The following RHOBTB3 variants were observed in gnomAD, a reference collection of about 807,000 sequenced individuals.
RHOBTB3 encodes rho-related BTB domain-containing protein 3.
Under a neutral mutation model 67.2 loss-of-function variants are expected in RHOBTB3, and 47 were observed. That is an observed-to-expected ratio of 0.70 (90% CI 0.55 to 0.89). The LOEUF is 0.89. RHOBTB3 is among the 40% of genes least tolerant of loss of function. The probability of loss-of-function intolerance (pLI) is 0.00; values close to 1 mark genes in which losing one functional copy is unlikely to be tolerated. For synonymous variants in RHOBTB3, 273 were observed against 274.2 expected (o/e 1.00, Z 0.04); for missense variants, 631 against 750.0 (o/e 0.84, Z 1.85).
chr5:95,773,874 C>A (rs1405100283), intron 8 of RHOBTB3, among the ~76,000 whole-genome samples: 1 of 152,166 alleles, frequency 6.6e-6, no homozygotes, highest in Non-Finnish European at 1.5e-5. Context: ...TCTGATGTAC[C>A]TTTGGAATTC....
intron 6 of RHOBTB3, among the ~76,000 whole-genome samples, chr5:95,762,898 C>G (rs1429679813): frequency 2.0e-5 from 3 of 152,062 alleles, no homozygotes; most frequent in African/African-American, 7.2e-5. Context: ...GTGAAATGAG[C>G]CTAGGAAGAG....
chr5:95,745,607 T>C (rs891692280), intron 3 of RHOBTB3, among the ~76,000 whole-genome samples: 2 of 152,092 alleles, frequency 1.3e-5, no homozygotes, highest in Non-Finnish European at 2.9e-5. Flanking sequence ...TTTTCAAAGA[T>C]GTTATCCATT....
rs911689424 is a variant in RHOBTB3, at chr5:95,796,150, C to A, written c.*2976C>A. Reference sequence around the variant, plus strand: ...CCAAGACAGCTAAACTTTTCAACTGCAATTTTAAAAACTACACTACACTGT... The same window carrying A: ...CCAAGACAGCTAAACTTTTCAACTGAAATTTTAAAAACTACACTACACTGT... On this transcript the variant is annotated 3_prime_UTR_variant, in exon 12 of 12. Coordinates refer to ENST00000379982, the MANE Select transcript of RHOBTB3 (RefSeq NM_014899.4). 2.6e-5 allele frequency: 4 copies of A among 152,176 alleles called. No homozygotes were observed. The highest frequency in any genetic ancestry group is 5.9e-5 in the Non-Finnish European group (4 of 68,038). 9.4% of individuals were successfully genotyped at this position (152,176 alleles called of 1,614,324 possible).
intron 7 of RHOBTB3, among the ~76,000 whole-genome samples, chr5:95,765,923 A>G (rs538744497): frequency 6.6e-6 from 1 of 152,176 alleles, no homozygotes; most frequent in East Asian, 1.9e-4. Context: ...CGGCCTCCCA[A>G]AGTGCTGGGA....
upstream of RHOBTB3, among the ~76,000 whole-genome samples, chr5:95,726,372 G>A (rs1034058264): frequency 3.9e-5 from 6 of 152,182 alleles, no homozygotes; most frequent in African/African-American, 1.4e-4. Flanking sequence ...TTTCTTGGAA[G>A]TATTGACTTG....
rs1274974137 is a variant in RHOBTB3 at position 95,737,080 on chromosome 5, G to A, written c.415+5G>A. On this transcript the variant is annotated splice_donor_5th_base_variant and intron_variant, in intron 3 of 11. Transcript: ENST00000379982. ...CTGTTGGTACCAGACAAAATGGTAAGTATTTAATATTCTTTTTTGTAGTGA... is the reference window on the plus strand; with the variant it reads ...CTGTTGGTACCAGACAAAATGGTAAATATTTAATATTCTTTTTTGTAGTGA... 4 of 1,524,690 alleles carry A rather than the reference G, an allele frequency of 2.6e-6. No individual in the cohort carries two copies. The highest frequency in any genetic ancestry group is 2.7e-6 in the Non-Finnish European group (3 of 1,107,610). The allele number at this position is 1,524,690 out of a possible 1,614,324, so 94.4% of individuals were successfully genotyped here. A position where few individuals can be genotyped will look rare whatever the true frequency, so the allele number is the denominator to read the frequency against.
chr5:95,752,417 T>C, intron 5 of RHOBTB3, 67 bp downstream of exon 5: 1 of 1,044,174 alleles, frequency 9.6e-7, no homozygotes. Flanking sequence ...TCACAGGTCT[T>C]AGAGCAATTA....
chr5:95,724,162 A>T (rs1350904241), intron 1 of RHOBTB3, among the ~76,000 whole-genome samples: 1 of 152,212 alleles, frequency 6.6e-6, no homozygotes, highest in Non-Finnish European at 1.5e-5. Flanking sequence ...ACAGCAATAC[A>T]GTTATCTGGT....
intron 8 of RHOBTB3, among the ~76,000 whole-genome samples, chr5:95,775,845 T>G (rs1745859802): frequency 6.6e-6 from 1 of 152,212 alleles, no homozygotes; most frequent in African/African-American, 2.4e-5. Flanking sequence ...TTTAAATTTA[T>G]GTCAAACTTA....
At chr5:95,774,895 A>G (rs956673925) in intron 8 of RHOBTB3, among the ~76,000 whole-genome samples, 18 of 150,646 alleles carry the variant, frequency 1.2e-4, no homozygotes, top group African/African-American at 4.1e-4. Context: ...TTTGTATTAC[A>G]TATATATATA....
rs369887694 is a variant in RHOBTB3 at position 95,749,016 on chromosome 5, T to C, written c.570+529T>C. 4.6e-5 allele frequency among the ~76,000 whole-genome samples: 7 copies of C among 152,354 alleles called. No homozygotes were observed. The East Asian group carries it at 9.6e-4, about 21-fold the overall frequency. On this transcript the variant is annotated intron_variant, in intron 4 of 11. Coordinates refer to ENST00000379982, the MANE Select transcript of RHOBTB3 (RefSeq NM_014899.4). The stretch of plus-strand genomic sequence containing the variant: ...ATATGTGGGAGCAAATTTGCTTGCT[T>C]GGTTGCCGTGGCGCATATTGGGTTC...
At position 95,748,026 on chromosome 5, in the gene RHOBTB3, TC is replaced by T. The variant is rs1174293251; in HGVS notation, c.416-306del. On this transcript the variant is annotated intron_variant, in intron 3 of 11. Coordinates refer to ENST00000379982, the MANE Select transcript of RHOBTB3 (RefSeq NM_014899.4). The stretch of plus-strand genomic sequence containing the variant: ...TCTACTGGCCTAGAAATACTGATAT[TC>T]AGGATGTCAAGGTTGTGTAAAAAGA... Among the ~76,000 whole-genome samples the T allele has an allele frequency of 5.3e-5, 8 of 152,260 alleles. No individual in the cohort carries two copies. The East Asian group carries it at 1.5e-3, about 29-fold the overall frequency.
intron 5 of RHOBTB3, among the ~76,000 whole-genome samples, chr5:95,754,516 T>G (rs1203443282): frequency 1.3e-5 from 2 of 152,174 alleles, no homozygotes; most frequent in East Asian, 3.9e-4. Context: ...TAAAGAAGTT[T>G]GAATTCTACT....
At chr5:95,718,358 C>A (rs1754748445) in intron 1 of RHOBTB3, among the ~76,000 whole-genome samples, 1 of 152,182 alleles carries the variant, frequency 6.6e-6, no homozygotes, top group South Asian at 2.1e-4. Context: ...TCAGAGGGAT[C>A]AGCCTGAAAT....
Position 95,783,967 on chromosome 5 carries a change from A to G in RHOBTB3, c.1623+4A>G, listed in dbSNP as rs1580429307. On this transcript the variant is annotated splice_donor_region_variant and intron_variant, in intron 10 of 11. Coordinates refer to ENST00000379982, the MANE Select transcript of RHOBTB3 (RefSeq NM_014899.4). ...TGACCTGCTTAAAAAGGCCAAGGTA[A>G]TTGACTCTGTGTATCTGATAGCCTA... is the stretch of plus-strand genomic sequence containing the variant. 1 of 1,605,114 alleles carries G rather than the reference A, an allele frequency of 6.2e-7. No individual in the cohort carries two copies. Among genetic ancestry groups the G allele is most frequent in the Non-Finnish European group, 8.5e-7 (1 of 1,173,892 alleles).
chr5:95,783,934 G>C lies in RHOBTB3; in HGVS notation c.1594G>C (p.Asp532His). 1 of 1,613,628 alleles carries C rather than the reference G, an allele frequency of 6.2e-7. No individual in the cohort carries two copies. The highest frequency in any genetic ancestry group is 8.5e-7 in the Non-Finnish European group (1 of 1,179,662). The change falls in exon 10 of 12, where the codon GAT becomes CAT. Residue 532 changes from aspartate to histidine, a missense_variant. Asp to His is a moderately conservative substitution (Grantham distance 81, BLOSUM62 -1). Coordinates refer to ENST00000379982, the MANE Select transcript of RHOBTB3 (RefSeq NM_014899.4). ...CAGGGAACTGGCATCCATGAACCTT[G>C]ATATAGTTGACCTGCTTAAAAAGGC... Reference protein sequence around the residue: ...PSRELASMNLDIVDLLKKAKF... With the variant: ...PSRELASMNLHIVDLLKKAKF...
At chr5:95,764,102 A>G (rs1315649219) in intron 7 of RHOBTB3, among the ~76,000 whole-genome samples, 3 of 152,116 alleles carry the variant, frequency 2.0e-5, no homozygotes, top group Non-Finnish European at 4.4e-5. Flanking sequence ...GAGCCACCAC[A>G]CTCGGCCCTA....
chr5:95,750,203 G>T (rs1479965211), intron 4 of RHOBTB3, among the ~76,000 whole-genome samples: 2 of 152,212 alleles, frequency 1.3e-5, no homozygotes, highest in Non-Finnish European at 2.9e-5. Flanking sequence ...TTAAGGGTCA[G>T]AGTTGAAGAG....
At chr5:95,773,869 T>G (rs1745791631) in intron 8 of RHOBTB3, among the ~76,000 whole-genome samples, 1 of 152,214 alleles carries the variant, frequency 6.6e-6, no homozygotes, top group Non-Finnish European at 1.5e-5. Context: ...ATTTCTCTGA[T>G]GTACCTTTGG....
Sources: gnomAD v4.1 joint callset for allele counts (sites outside exome capture counted in the v4.1 genomes callset) on GRCh38, gnomAD v4.1.1 for gene constraint, MANE v1.5 for transcripts, NCBI Gene and HGNC (gene_info 2026-07-23, HGNC 2026-07-21) for gene names.